Variants in BRSK1 observed in about 807,000 individuals in gnomAD.
BRSK1 encodes the protein serine/threonine-protein kinase BRSK1.
BRSK1 carries 17 observed loss-of-function variants against 86.2 expected under a neutral mutation model. That is an observed-to-expected ratio of 0.20 (90% CI 0.14 to 0.30). The LOEUF (loss-of-function observed/expected upper bound fraction) is 0.30, where lower values mean the gene tolerates loss of function less well. BRSK1 is among the 10% of genes least tolerant of loss of function. The pLI is 1.00. For missense variants in BRSK1, 719 were observed against 1,071.9 expected, an observed-to-expected ratio of 0.67 and a Z score of 4.60; for synonymous variants, 464 against 440.1, an observed-to-expected ratio of 1.05 and a Z score of -0.68.
intron 18 of BRSK1, among the ~76,000 whole-genome samples, chr19:55,311,288 G>A (rs1390256827): frequency 6.6e-6 from 1 of 152,060 alleles, no homozygotes; most frequent in Non-Finnish European, 1.5e-5. Flanking sequence ...AAAGAAAAAC[G>A]AGGTCTCCGC....
intron 7 of BRSK1, among the ~76,000 whole-genome samples, chr19:55,296,509 G>A (rs896428327): frequency 7.2e-5 from 11 of 151,970 alleles, no homozygotes; most frequent in African/African-American, 2.4e-4. Context: ...ACCAGCCTGG[G>A]CAACATAGCA....
In BRSK1 at chr19:55,302,176, T is replaced by C; in HGVS notation, c.857+8T>C. 6.2e-7 allele frequency: 1 copy of C among 1,612,082 alleles called. No individual in the cohort carries two copies. The highest frequency in any genetic ancestry group is 8.5e-7 in the Non-Finnish European group (1 of 1,179,154). ...GAAACATCCTTGGTACCTGTGAGTA[T>C]GGGGTAACTGGACTCTTGGGTCCCT... On this transcript the variant is annotated splice_region_variant and intron_variant, in intron 9 of 18. Transcript: ENST00000309383. The surrounding 1 kb of genome is among the most constrained non-coding windows in gnomAD (Gnocchi z 6.3).
chr19:55,301,930 G>T, intron 8 of BRSK1: 1 of 797,016 alleles, frequency 1.3e-6, no homozygotes, highest in Non-Finnish European at 2.1e-6. Context: ...GCAAAGTAAT[G>T]CGGCCGGTCC....
Position 55,312,028 on chromosome 19 carries a change from A to G in BRSK1, c.2297A>G (p.Asp766Gly). 2 of 1,459,616 alleles carry G rather than the reference A, an allele frequency of 1.4e-6. No homozygotes were observed. Among genetic ancestry groups the G allele is most frequent in the South Asian group, 2.6e-5 (2 of 76,956 alleles). The allele number at this position is 1,459,616 out of a possible 1,614,324, so 90.4% of individuals were successfully genotyped here. The change falls in exon 19 of 19, where the codon GAC (aspartate) becomes GGC (glycine). Residue 766 changes from aspartate (D) to glycine (G), a missense_variant. Transcript: ENST00000309383. Reference sequence around the variant, plus strand: ...TCTCCCCGCCGAGGCCCCCCCAAGGACAAGAAGCTCCTGGCCACCAACGGG... The same window carrying G: ...TCTCCCCGCCGAGGCCCCCCCAAGGGCAAGAAGCTCCTGGCCACCAACGGG... Reference protein sequence around the residue: ...SSSPRRGPPKDKKLLATNGTP... With the variant: ...SSSPRRGPPKGKKLLATNGTP...
chr19:55,293,975 T>C (rs897324705), intron 4 of BRSK1, 42 bp from the exon 5 acceptor site: 2 of 1,558,724 alleles, frequency 1.3e-6, no homozygotes, highest in Non-Finnish European at 1.8e-6. Context: ...CTGGGCCTCC[T>C]GGGAGGAAGG....
In BRSK1 at chr19:55,312,015, G is replaced by A; in HGVS notation, c.2284G>A (p.Gly762Ser). ...AGAGCTGAGCAGCTCTCCCCGCCGAGGCCCCCCCAAGGACAAGAAGCTCCT... is the reference window on the plus strand; with the variant it reads ...AGAGCTGAGCAGCTCTCCCCGCCGAAGCCCCCCCAAGGACAAGAAGCTCCT... ...DPELSSSPRR[G>S]PPKDKKLLAT... The change falls in exon 19 of 19, where the codon GGC becomes AGC. Residue 762 changes from glycine (G) to serine (S), a missense_variant. Gly to Ser is a moderately conservative substitution (Grantham distance 56). This residue lies in a region of BRSK1 where 82 missense variants were observed against 72.6 expected (regional missense o/e 1.13). Transcript: ENST00000309383. 3 of 1,517,380 alleles carry A rather than the reference G, an allele frequency of 2.0e-6. No individual in the cohort carries two copies. In the South Asian group the frequency reaches 3.7e-5, roughly 19 times the overall value. 94.0% of individuals were successfully genotyped at this position (1,517,380 alleles called of 1,614,324 possible).
intron 3 of BRSK1, 124 bp from the exon 4 acceptor site, chr19:55,289,356 T>G: frequency 1.7e-6 from 2 of 1,180,318 alleles, no homozygotes; most frequent in Non-Finnish European, 2.4e-6. Context: ...AATTGGAGTC[T>G]CTTTCTCCCA....
intron 4 of BRSK1, among the ~76,000 whole-genome samples, chr19:55,290,782 C>T (rs1367510362): frequency 6.6e-6 from 1 of 152,140 alleles, no homozygotes; most frequent in Non-Finnish European, 1.5e-5. Flanking sequence ...GCTGGGACTA[C>T]AGGCGCCCGC....
At position 55,312,229 on chromosome 19, in the gene BRSK1, G is replaced by A. The variant is rs964715827; in HGVS notation, c.*161G>A. The A allele has an allele frequency of 4.6e-6, 2 of 430,204 alleles. No homozygotes were observed. Among genetic ancestry groups the A allele is most frequent in the African/African-American group, 4.1e-5 (2 of 48,688 alleles). The allele number at this position is 430,204 out of a possible 1,614,324, so 26.6% of individuals were successfully genotyped here. A position where few individuals can be genotyped will look rare whatever the true frequency, so the allele number is the denominator to read the frequency against. Reference sequence around the variant, plus strand: ...GGGGCTCCACAGGCCGTGCCCAACTGGGGGTGGTTCTAGGGGAACAGGGGG... The same window carrying A: ...GGGGCTCCACAGGCCGTGCCCAACTAGGGGTGGTTCTAGGGGAACAGGGGG... On this transcript the variant is annotated 3_prime_UTR_variant, in exon 19 of 19. Transcript: ENST00000309383.
intron 4 of BRSK1, among the ~76,000 whole-genome samples, chr19:55,292,844 A>C (rs1170958699): frequency 6.6e-6 from 1 of 151,958 alleles, no homozygotes; most frequent in Non-Finnish European, 1.5e-5. Context: ...AAAAAAAAAA[A>C]AAAGGAAAGT....
Position 55,284,108 on chromosome 19 carries a change from T to A in BRSK1, c.-335T>A. The A allele has an allele frequency of 1.7e-6, 2 of 1,172,112 alleles. No homozygotes were observed. The highest frequency in any genetic ancestry group is 2.1e-6 in the Non-Finnish European group (2 of 940,096). The allele number at this position is 1,172,112 out of a possible 1,614,324, so 72.6% of individuals were successfully genotyped here. A position where few individuals can be genotyped will look rare whatever the true frequency, so the allele number is the denominator to read the frequency against. Reference sequence around the variant, plus strand: ...TGGGGGGGCGGGGGGGACCTCGGCCTGCAGCATCCGCCGGCCCGCACCTCA... The same window carrying A: ...TGGGGGGGCGGGGGGGACCTCGGCCAGCAGCATCCGCCGGCCCGCACCTCA... On this transcript the variant is annotated 5_prime_UTR_variant, in exon 1 of 19. Transcript: ENST00000309383.
Position 55,289,524 on chromosome 19 carries a change from A to G in BRSK1, c.362A>G (p.Tyr121Cys). 1 of 1,613,594 alleles carries G rather than the reference A, an allele frequency of 6.2e-7. No individual in the cohort carries two copies. The highest frequency in any genetic ancestry group is 1.3e-5 in the African/African-American group (1 of 74,818). The change falls in exon 4 of 19, where the codon TAC (tyrosine) becomes TGC (cysteine). Residue 121 changes from tyrosine (Y) to cysteine (C), a missense_variant. Tyr to Cys is a radical substitution (Grantham distance 194). Coordinates refer to ENST00000309383, the MANE Select transcript of BRSK1 (RefSeq NM_032430.2). ...EHVSGGELFD[Y>C]LVKKGRLTPK... is the part of the protein sequence containing the mutation. ...GTCTCGGGGGGTGAGCTATTCGACTACCTGGTAAAGAAGGGGAGACTGACG... is the reference window on the plus strand; with the variant it reads ...GTCTCGGGGGGTGAGCTATTCGACTGCCTGGTAAAGAAGGGGAGACTGACG...
At chr19:55,311,796 A>C in intron 18 of BRSK1, 115 bp from the exon 19 acceptor site, 4 of 1,086,580 alleles carry the variant, frequency 3.7e-6, no homozygotes, top group Non-Finnish European at 5.3e-6. Context: ...GATTGGAGCT[A>C]GAGCCTCGGG....
rs879871980 is a variant in BRSK1 at position 55,286,699 on chromosome 19, A to G, written c.137-308A>G. 5.2e-3 allele frequency among the ~76,000 whole-genome samples: 775 copies of G among 150,446 alleles called. 6 individuals are homozygous for G. Among genetic ancestry groups the G allele is most frequent in the African/African-American group, 0.018 (752 of 40,746 alleles). On this transcript the variant is annotated intron_variant, in intron 1 of 18. Coordinates refer to ENST00000309383, the MANE Select transcript of BRSK1 (RefSeq NM_032430.2). ...GAGACAGACTCGGGGAGACACGGTG[A>G]GGAAAGAATGCGTGGCAGGCGGGCT...
Position 55,284,138 on chromosome 19 carries a change from C to A in BRSK1, c.-305C>A, listed in dbSNP as rs2088272388. 1.8e-5 allele frequency: 21 copies of A among 1,174,856 alleles called. No homozygotes were observed. The highest frequency in any genetic ancestry group is 2.2e-5 in the Non-Finnish European group (21 of 937,112). The allele number at this position is 1,174,856 out of a possible 1,614,324, so 72.8% of individuals were successfully genotyped here. ...CATCCGCCGGCCCGCACCTCAGACC[C>A]CCCCGGCGGGGGGAGGCGCAGGAAG... On this transcript the variant is annotated 5_prime_UTR_variant, in exon 1 of 19. Coordinates refer to ENST00000309383, the MANE Select transcript of BRSK1 (RefSeq NM_032430.2).
chr19:55,301,986 C>T, intron 8 of BRSK1, 151 bp from the exon 9 acceptor site: 1 of 980,984 alleles, frequency 1.0e-6, no homozygotes, highest in Admixed American at 1.7e-5. Context: ...CACTCAGTCG[C>T]CACTAGAGGG....
intron 1 of BRSK1, among the ~76,000 whole-genome samples, chr19:55,286,423 T>C (rs1253984528): frequency 6.7e-6 from 1 of 148,748 alleles, no homozygotes; most frequent in Non-Finnish European, 1.5e-5. Context: ...AGGGCTGCCA[T>C]GAAGAGAAGA....
At chr19:55,311,443 G>T (rs2088792081) in intron 18 of BRSK1, among the ~76,000 whole-genome samples, 1 of 152,146 alleles carries the variant, frequency 6.6e-6, no homozygotes, top group African/African-American at 2.4e-5. Context: ...AGCATGAGGG[G>T]CCTGAGACCC....
intron 17 of BRSK1, among the ~76,000 whole-genome samples, chr19:55,307,552 A>C (rs1338858467): frequency 6.7e-6 from 1 of 149,482 alleles, no homozygotes; most frequent in East Asian, 2.0e-4. Context: ...CTGTCTCAAA[A>C]AAAAAAAAAA....
Sources: gnomAD v4.1 joint callset for allele counts (sites outside exome capture counted in the v4.1 genomes callset) on GRCh38, gnomAD v4.1.1 for gene constraint, gnomAD v4.1.1 regional missense constraint, Gnocchi (gnomAD v3.1) non-coding constraint, MANE v1.5 for transcripts, NCBI Gene and HGNC (gene_info 2026-07-23, HGNC 2026-07-21) for gene names.